The following GUCY1A2 variants were observed in gnomAD, a reference collection of about 807,000 sequenced individuals.
The protein encoded by GUCY1A2 is guanylate cyclase 1 soluble subunit alpha 2.
In GUCY1A2, 27 loss-of-function variants were observed where a neutral mutation model predicts 63.5. The observed-to-expected ratio is 0.43, with a 90% CI of 0.31 to 0.59. The LOEUF (loss-of-function observed/expected upper bound fraction) is 0.59, where lower values mean the gene tolerates loss of function less well. Among genes scored for constraint, GUCY1A2 ranks in the 20% least tolerant of loss-of-function variants. The pLI, the probability that GUCY1A2 is intolerant of heterozygous loss-of-function variation, is 0.11. For missense variants in GUCY1A2, 768 were observed against 913.3 expected, an observed-to-expected ratio of 0.84 and a Z score of 2.05; for synonymous variants, 364 against 343.5, an observed-to-expected ratio of 1.06 and a Z score of -0.66.
At position 106,681,225 on chromosome 11, in the gene GUCY1A2, C is replaced by A. The variant is rs1242557158; in HGVS notation, c.*6324G>T. ...GAAGTCAAAATACTATCATACTTAC[C>A]AAAAACTTGTGTAGCTATCATTGAA... On this transcript the variant is annotated 3_prime_UTR_variant, in exon 8 of 8. Coordinates refer to ENST00000526355, the MANE Select transcript of GUCY1A2 (RefSeq NM_000855.3). The A allele has an allele frequency of 9.1e-6, 2 of 218,932 alleles. No individual in the cohort carries two copies. The highest frequency in any genetic ancestry group is 1.8e-5 in the Non-Finnish European group (2 of 109,092). 13.6% of individuals were successfully genotyped at this position (218,932 alleles called of 1,614,324 possible).
rs906961721 is a variant in GUCY1A2, at chr11:106,687,900, G to T, written c.1992-144C>A. 5 of 606,030 alleles carry T rather than the reference G, an allele frequency of 8.3e-6. No individual in the cohort carries two copies. The South Asian group carries it at 1.0e-4, about 12-fold the overall frequency. 37.5% of individuals were successfully genotyped at this position (606,030 alleles called of 1,614,324 possible). A position where few individuals can be genotyped will look rare whatever the true frequency, so the allele number is the denominator to read the frequency against. On this transcript the variant is annotated intron_variant, in intron 7 of 7. Transcript: ENST00000526355. ...CTTTGTATAGATGTGGCCTTCATCAGATTCCAAATGCTAGGAAATGTTATA... is the reference window on the plus strand; with the variant it reads ...CTTTGTATAGATGTGGCCTTCATCATATTCCAAATGCTAGGAAATGTTATA...
intron 3 of GUCY1A2, among the ~76,000 whole-genome samples, chr11:106,953,103 G>T (rs1860933356): frequency 6.6e-6 from 1 of 152,120 alleles, no homozygotes; most frequent in East Asian, 1.9e-4. Context: ...TCCTTGTCTT[G>T]TACCAGTTTT....
chr11:106,755,862 T>C (rs1324206188), intron 6 of GUCY1A2, among the ~76,000 whole-genome samples: 1 of 152,168 alleles, frequency 6.6e-6, no homozygotes, highest in Non-Finnish European at 1.5e-5. Flanking sequence ...GCCTATTAGG[T>C]CCACTCGGTC....
chr11:106,901,480 CAGA>C (rs936443368), intron 4 of GUCY1A2, among the ~76,000 whole-genome samples: 2 of 152,138 alleles, frequency 1.3e-5, no homozygotes, highest in South Asian at 2.1e-4. Context: ...GAAACTTTTC[CAGA>C]AGGTTTTCTT....
chr11:107,014,578 A>C (rs771277149), intron 1 of GUCY1A2, among the ~76,000 whole-genome samples: 11 of 152,196 alleles, frequency 7.2e-5, no homozygotes, highest in Non-Finnish European at 1.5e-4. Flanking sequence ...AGTATTAGAA[A>C]TTATTATAAC....
At position 106,760,321 on chromosome 11, in the gene GUCY1A2, A is replaced by C. The variant is rs1480844332; in HGVS notation, c.1836+16118T>G. Among the ~76,000 whole-genome samples the C allele has an allele frequency of 2.0e-5, 3 of 152,036 alleles. No homozygotes were observed. In the East Asian group the frequency reaches 5.8e-4, roughly 29 times the overall value. On this transcript the variant is annotated intron_variant, in intron 6 of 7. Transcript: ENST00000526355. ...AATAGAAAGTGGCAGAAGAACAAGT[A>C]ATGTGACTATGAAAAGACATTTGGA...
chr11:107,004,869 C>CA, intron 1 of GUCY1A2, among the ~76,000 whole-genome samples: 1 of 152,210 alleles, frequency 6.6e-6, no homozygotes, highest in East Asian at 1.9e-4. Context: ...AGTCCTAAGG[C>CA]AAAATGATGC....
At position 106,681,625 on chromosome 11, in the gene GUCY1A2, C is replaced by T. The variant is rs544564219; in HGVS notation, c.*5924G>A. 1.8e-5 allele frequency: 4 copies of T among 221,590 alleles called. No homozygotes were observed. Among genetic ancestry groups the T allele is most frequent in the East Asian group, 6.6e-5 (1 of 15,246 alleles). The allele number at this position is 221,590 out of a possible 1,614,324, so 13.7% of individuals were successfully genotyped here. A position where few individuals can be genotyped will look rare whatever the true frequency, so the allele number is the denominator to read the frequency against. ...AGATAGATTAAACATGTCATTTGCC[C>T]GAATATTTTTAATCTGAGTCATTAC... On this transcript the variant is annotated 3_prime_UTR_variant, in exon 8 of 8. Coordinates refer to ENST00000526355, the MANE Select transcript of GUCY1A2 (RefSeq NM_000855.3).
chr11:106,866,334 T>C (rs1859593098), intron 4 of GUCY1A2, among the ~76,000 whole-genome samples: 1 of 152,038 alleles, frequency 6.6e-6, no homozygotes, highest in Non-Finnish European at 1.5e-5. Context: ...ATGGTGCTTC[T>C]CCTGTTAGAC....
chr11:106,898,137 C>T (rs1490381294), intron 4 of GUCY1A2, among the ~76,000 whole-genome samples: 1 of 152,210 alleles, frequency 6.6e-6, no homozygotes, highest in Admixed American at 6.5e-5. Flanking sequence ...CAGATTAAAA[C>T]AATGAGATAC....
chr11:106,866,934 C>T (rs1044351305), intron 4 of GUCY1A2, among the ~76,000 whole-genome samples: 1 of 151,976 alleles, frequency 6.6e-6, no homozygotes. Context: ...AAAGATAGCA[C>T]AGGTCATAGC....
intron 4 of GUCY1A2, among the ~76,000 whole-genome samples, chr11:106,811,895 C>T (rs957109106): frequency 4.6e-5 from 7 of 151,942 alleles, no homozygotes; most frequent in African/African-American, 1.7e-4. Context: ...AAACGTATCA[C>T]AGTATGGTGG....
At chr11:106,831,307 G>A (rs182642748) in intron 4 of GUCY1A2, among the ~76,000 whole-genome samples, 50 of 152,216 alleles carry the variant, frequency 3.3e-4, no homozygotes, top group Admixed American at 5.2e-4. Context: ...CATGAACAAC[G>A]TGTAAAAAAC....
At chr11:106,875,364 G>T (rs1001874094) in intron 4 of GUCY1A2, among the ~76,000 whole-genome samples, 1 of 152,140 alleles carries the variant, frequency 6.6e-6, no homozygotes, top group African/African-American at 2.4e-5. Context: ...CAAGAGTGGA[G>T]TCTTGACAGA....
In GUCY1A2 at chr11:106,756,617, GC is replaced by G. The variant is rs1591263625; in HGVS notation, c.1836+19821del. The stretch of plus-strand genomic sequence containing the variant: ...TCCTTCACTTATGAAGCTTAGTTTG[GC>G]TGGATATGAAATTCTGGGTTGAAAA... On this transcript the variant is annotated intron_variant, in intron 6 of 7. Transcript: ENST00000526355. Among the ~76,000 whole-genome samples, 6 of 152,190 alleles carry G rather than the reference GC, an allele frequency of 3.9e-5. No individual in the cohort carries two copies. The East Asian group carries it at 1.2e-3, about 29-fold the overall frequency.
intron 6 of GUCY1A2, among the ~76,000 whole-genome samples, chr11:106,743,602 G>A (rs901837444): frequency 1.5e-4 from 23 of 152,098 alleles, no homozygotes; most frequent in African/African-American, 3.9e-4. Context: ...ACTAGAGGGC[G>A]GGATTGGGAC....
intron 1 of GUCY1A2, among the ~76,000 whole-genome samples, chr11:106,995,178 T>C (rs867460904): frequency 1.3e-5 from 2 of 152,176 alleles, no homozygotes; most frequent in South Asian, 4.1e-4. Context: ...TGGGGAAGCT[T>C]TCTGGGTTAT....
Position 106,760,893 on chromosome 11 carries a change from T to G in GUCY1A2, c.1836+15546A>C, listed in dbSNP as rs546996617. Among the ~76,000 whole-genome samples the G allele has an allele frequency of 6.6e-5, 10 of 152,180 alleles. 1 individual carries two copies. Among genetic ancestry groups the G allele is most frequent in the African/African-American group, 2.4e-4 (10 of 41,536 alleles). ...GGAAGACAGGAACTGAGGAAAGAAT[T>G]AATAGTTTTAAAAGATTAAAAAGGA... is the stretch of plus-strand genomic sequence containing the variant. On this transcript the variant is annotated intron_variant, in intron 6 of 7. Transcript: ENST00000526355.
intron 4 of GUCY1A2, among the ~76,000 whole-genome samples, chr11:106,850,142 T>C (rs753770621): frequency 4.6e-5 from 7 of 151,800 alleles, no homozygotes; most frequent in Non-Finnish European, 8.9e-5. Flanking sequence ...CATATTCCCA[T>C]GTTTCCTTCT....
Sources: allele counts gnomAD v4.1 joint callset (sites outside exome capture counted in the v4.1 genomes callset), GRCh38; gene constraint gnomAD v4.1.1; transcripts MANE v1.5; gene names NCBI Gene and HGNC (gene_info 2026-07-23, HGNC 2026-07-21).